The following CTDSPL variants were observed in gnomAD, a reference collection of about 807,000 sequenced individuals.
CTDSPL encodes CTD small phosphatase like, also known as CTD small phosphatase-like protein.
A neutral mutation model predicts 30.5 loss-of-function variants in CTDSPL; 8 were observed. That is an observed-to-expected ratio of 0.26 (90% CI 0.15 to 0.47). CTDSPL has a LOEUF of 0.47. Ranked by LOEUF, CTDSPL falls within the 20% of genes least tolerant of loss-of-function variation. The pLI is 0.99. For synonymous variants in CTDSPL, 110 were observed against 137.9 expected, an observed-to-expected ratio of 0.80 and a Z score of 1.42; for missense variants, 248 against 366.1, an observed-to-expected ratio of 0.68 and a Z score of 2.63.
At chr3:37,937,049 A>T (rs1191353739) in intron 1 of CTDSPL, among the ~76,000 whole-genome samples, 1 of 150,356 alleles carries the variant, frequency 6.7e-6, no homozygotes, top group East Asian at 1.9e-4. Context: ...GCAAAAGCAG[A>T]TTTTATTGAA....
chr3:37,948,521 A>C (rs1699068939), intron 2 of CTDSPL, among the ~76,000 whole-genome samples: 1 of 152,206 alleles, frequency 6.6e-6, no homozygotes, highest in Non-Finnish European at 1.5e-5. Context: ...CAGGTAATTC[A>C]CAAAATAAGA....
chr3:37,971,335 TG>T, intron 5 of CTDSPL, 71 bp from the exon 6 acceptor site: 1 of 1,339,148 alleles, frequency 7.5e-7, no homozygotes, highest in Non-Finnish European at 1.1e-6. Flanking sequence ...CTTCCTACAG[TG>T]GGCATTTGGG....
chr3:37,958,581 G>C (rs1364425353), intron 3 of CTDSPL, among the ~76,000 whole-genome samples: 1 of 152,152 alleles, frequency 6.6e-6, no homozygotes, highest in African/African-American at 2.4e-5. Context: ...AAAAGCACTT[G>C]TCAGTATAAA....
chr3:37,915,189 T>C (rs942621754), intron 1 of CTDSPL, among the ~76,000 whole-genome samples: 1 of 152,216 alleles, frequency 6.6e-6, no homozygotes, highest in Non-Finnish European at 1.5e-5. Context: ...GTTGGTCTAA[T>C]TGATACTCCA....
At chr3:37,865,095 C>T (rs879894082) in intron 1 of CTDSPL, among the ~76,000 whole-genome samples, 1 of 152,180 alleles carries the variant, frequency 6.6e-6, no homozygotes, top group East Asian at 1.9e-4. Context: ...CACATTGCCA[C>T]GTGGTGGTGC....
intron 6 of CTDSPL, among the ~76,000 whole-genome samples, chr3:37,973,413 G>T (rs1183433804): frequency 6.6e-6 from 1 of 152,222 alleles, no homozygotes; most frequent in East Asian, 1.9e-4. Flanking sequence ...AAACATCCTT[G>T]TTCGGTTACT....
intron 1 of CTDSPL, among the ~76,000 whole-genome samples, chr3:37,938,741 C>T (rs1698943312): frequency 6.8e-6 from 1 of 147,992 alleles, no homozygotes; most frequent in Non-Finnish European, 1.5e-5. Context: ...AGTGCAGTGG[C>T]GTGATCTCGG....
At chr3:37,918,554 A>G (rs9816217) in intron 1 of CTDSPL, among the ~76,000 whole-genome samples, 42,238 of 152,026 alleles carry the variant, frequency 0.28, 7,650 homozygotes, top group African/African-American at 0.51. Flanking sequence ...CTATCCTTCA[A>G]TCACCTTCTA....
chr3:37,887,232 G>A (rs568829430), intron 1 of CTDSPL, among the ~76,000 whole-genome samples: 6 of 152,256 alleles, frequency 3.9e-5, no homozygotes, highest in South Asian at 2.1e-4. Context: ...TGTGGGAAAC[G>A]CTCCGTTTGT....
At chr3:37,967,511 C>T (rs1699311413) in intron 4 of CTDSPL, among the ~76,000 whole-genome samples, 1 of 152,218 alleles carries the variant, frequency 6.6e-6, no homozygotes, top group Non-Finnish European at 1.5e-5. Flanking sequence ...CCCATCACCC[C>T]AGCAAGACTC....
intron 1 of CTDSPL, among the ~76,000 whole-genome samples, chr3:37,905,595 C>T (rs75232457): frequency 6.6e-6 from 1 of 152,092 alleles, no homozygotes; most frequent in South Asian, 2.1e-4. Context: ...TCCTTCCCCC[C>T]CTCCCTCCTT....
chr3:37,886,502 T>G (rs2125594498), intron 1 of CTDSPL, among the ~76,000 whole-genome samples: 1 of 152,258 alleles, frequency 6.6e-6, no homozygotes, highest in East Asian at 1.9e-4. Flanking sequence ...CCTTTTAGGA[T>G]TTACATTAGT....
intron 1 of CTDSPL, among the ~76,000 whole-genome samples, chr3:37,945,897 C>T (rs1699031196): frequency 6.6e-6 from 1 of 152,200 alleles, no homozygotes; most frequent in African/African-American, 2.4e-5. Context: ...CCAAAACATT[C>T]AGCAAAGGTT....
intron 1 of CTDSPL, among the ~76,000 whole-genome samples, chr3:37,920,634 C>G (rs1698701826): frequency 6.6e-6 from 1 of 152,208 alleles, no homozygotes. Flanking sequence ...AAGAGCCAGG[C>G]ACTAATGATA....
chr3:37,968,636 C>G (rs1699328018), intron 5 of CTDSPL, among the ~76,000 whole-genome samples: 1 of 152,188 alleles, frequency 6.6e-6, no homozygotes, highest in South Asian at 2.1e-4. Flanking sequence ...CGTATCTGGC[C>G]TGATATCCCA....
intron 7 of CTDSPL, among the ~76,000 whole-genome samples, chr3:37,976,760 A>G (rs774408249): frequency 2.0e-5 from 3 of 152,154 alleles, no homozygotes; most frequent in Non-Finnish European, 1.5e-5. Context: ...TCCCTGGACC[A>G]TGGCAGCTCT....
chr3:37,972,821 T>C (rs1699383015), intron 6 of CTDSPL, among the ~76,000 whole-genome samples: 1 of 152,228 alleles, frequency 6.6e-6, no homozygotes, highest in African/African-American at 2.4e-5. Flanking sequence ...ACCACAGTTG[T>C]CTCCATGGGC....
At position 37,966,775 on chromosome 3, in the gene CTDSPL, G is replaced by C. The variant is rs78390402; in HGVS notation, c.370-1051G>C. Among the ~76,000 whole-genome samples the C allele has an allele frequency of 7.1e-3, 1,080 of 152,164 alleles. 5 individuals carry two copies. Among genetic ancestry groups the C allele is most frequent in the Non-Finnish European group, 0.012 (827 of 68,002 alleles). ...AACAAAGAGGGTTTGTGTGTACTGT[G>C]ATGGGCTTAAAAGCAGACTTCGGTT... On this transcript the variant is annotated intron_variant, in intron 4 of 7. Coordinates refer to ENST00000273179, the MANE Select transcript of CTDSPL (RefSeq NM_001008392.2).
At chr3:37,913,861 G>A (rs1698612081) in intron 1 of CTDSPL, among the ~76,000 whole-genome samples, 1 of 152,144 alleles carries the variant, frequency 6.6e-6, no homozygotes, top group African/African-American at 2.4e-5. Flanking sequence ...TACTGTTGCT[G>A]TATAATAAGT....
Sources: allele counts gnomAD v4.1 joint callset (sites outside exome capture counted in the v4.1 genomes callset), GRCh38; gene constraint gnomAD v4.1.1; transcripts MANE v1.5; gene names NCBI Gene and HGNC (gene_info 2026-07-23, HGNC 2026-07-21).